The following FRY variants were observed in gnomAD, a reference collection of about 807,000 sequenced individuals.
FRY encodes FRY microtubule binding protein.
A neutral mutation model predicts 348.4 loss-of-function variants in FRY; 128 were observed. The observed-to-expected ratio is 0.37, with a 90% CI of 0.32 to 0.43. The LOEUF is 0.43. FRY is among the 20% of genes least tolerant of loss of function. The pLI, the probability that FRY is intolerant of heterozygous loss-of-function variation, is 1.00. For synonymous variants in FRY, 1,370 were observed against 1,374.7 expected (o/e 1.00, Z 0.08); for missense variants, 2,736 against 3,695.2 (o/e 0.74, Z 6.73).
chr13:32,161,454 G>A (rs763396633), intron 17 of FRY, among the ~76,000 whole-genome samples: 9 of 152,332 alleles, frequency 5.9e-5, no homozygotes, highest in East Asian at 3.9e-4. Flanking sequence ...ACGTAAGCAC[G>A]TAAGGTCGCT....
At chr13:32,174,834 G>T (rs967023438) in intron 19 of FRY, among the ~76,000 whole-genome samples, 1 of 151,724 alleles carries the variant, frequency 6.6e-6, no homozygotes, top group Non-Finnish European at 1.5e-5. Flanking sequence ...CTCCATAAGG[G>T]ATGGTGAATG....
At chr13:32,245,762 G>A (rs565408681) in intron 47 of FRY, among the ~76,000 whole-genome samples, 6 of 152,348 alleles carry the variant, frequency 3.9e-5, no homozygotes, top group African/African-American at 1.4e-4. Context: ...GTTAAGTAGA[G>A]AGCGCCTAGC....
intron 1 of FRY, among the ~76,000 whole-genome samples, chr13:32,045,052 A>G (rs542957124): frequency 1.9e-4 from 29 of 152,272 alleles, no homozygotes; most frequent in African/African-American, 6.0e-4. Context: ...CCTAAGGCCA[A>G]TTTTCACTAT....
intron 1 of FRY, among the ~76,000 whole-genome samples, chr13:32,033,027 T>C (rs1188442755): frequency 6.6e-6 from 1 of 152,200 alleles, no homozygotes; most frequent in Admixed American, 6.5e-5. Context: ...TATTCAGGGA[T>C]GTGCATCTCT....
chr13:32,213,217 C>T (rs1169819528), intron 35 of FRY, among the ~76,000 whole-genome samples: 5 of 152,168 alleles, frequency 3.3e-5, no homozygotes, highest in Non-Finnish European at 7.4e-5. Flanking sequence ...AGTAAGCCCA[C>T]AGTGCTTCCT....
chr13:32,159,274 G>C (rs1192898641), intron 16 of FRY, among the ~76,000 whole-genome samples: 1 of 151,870 alleles, frequency 6.6e-6, no homozygotes, highest in Admixed American at 6.6e-5. Context: ...AAATGTTAGG[G>C]AATCATATAA....
At chr13:32,039,560 G>A (rs1016629483) in intron 1 of FRY, among the ~76,000 whole-genome samples, 3 of 152,002 alleles carry the variant, frequency 2.0e-5, no homozygotes, top group Non-Finnish European at 2.9e-5. Flanking sequence ...TTAATGATCA[G>A]ATATCTCACC....
chr13:32,291,470 A>T (rs1350242611), intron 59 of FRY, among the ~76,000 whole-genome samples: 1 of 151,402 alleles, frequency 6.6e-6, no homozygotes, highest in Non-Finnish European at 1.5e-5. Context: ...CAATGGCACA[A>T]TCTCAGCTTA....
At chr13:32,094,428 G>A (rs775076179) in intron 2 of FRY, among the ~76,000 whole-genome samples, 4 of 151,898 alleles carry the variant, frequency 2.6e-5, no homozygotes, top group South Asian at 4.2e-4. Context: ...TCATCACCCT[G>A]TTGTGTTATC....
At chr13:32,048,400 A>C (rs1021690617) in intron 1 of FRY, among the ~76,000 whole-genome samples, 2 of 152,182 alleles carry the variant, frequency 1.3e-5, no homozygotes, top group Non-Finnish European at 2.9e-5. Flanking sequence ...AAATTGTACC[A>C]TTGTGTTCAC....
chr13:32,160,703 G>A (rs1045347431), intron 16 of FRY, among the ~76,000 whole-genome samples: 1 of 152,022 alleles, frequency 6.6e-6, no homozygotes, highest in Admixed American at 6.6e-5. Context: ...AGAGCTCTAG[G>A]GGAGAAGCAT....
In FRY at chr13:32,225,045, G is replaced by T. The variant is rs766835083; in HGVS notation, c.5020+9G>T. ...TCATGCTGTCTTCTTAGGTAAGACT[G>T]GATCTAAAAGGCATTCTAGCCAATC... On this transcript the variant is annotated intron_variant, in intron 38 of 60. Coordinates refer to ENST00000542859, the MANE Select transcript of FRY (RefSeq NM_023037.3). The T allele has an allele frequency of 6.9e-7, 1 of 1,446,426 alleles. No individual in the cohort carries two copies. 89.6% of individuals were successfully genotyped at this position (1,446,426 alleles called of 1,614,324 possible).
chr13:32,198,961 G>C (rs1355812669), intron 29 of FRY, among the ~76,000 whole-genome samples: 1 of 152,144 alleles, frequency 6.6e-6, no homozygotes, highest in African/African-American at 2.4e-5. Context: ...AGCACATTTG[G>C]TGTTTGTGGC....
At chr13:32,100,006 G>T (rs1039922048) in intron 2 of FRY, among the ~76,000 whole-genome samples, 1 of 152,062 alleles carries the variant, frequency 6.6e-6, no homozygotes, top group East Asian at 1.9e-4. Context: ...TGTATGATTG[G>T]TAGGTTCTCC....
intron 51 of FRY, among the ~76,000 whole-genome samples, chr13:32,257,653 A>C (rs1887408055): frequency 6.6e-6 from 1 of 152,228 alleles, no homozygotes; most frequent in African/African-American, 2.4e-5. Flanking sequence ...CATTCCAAAA[A>C]AGTGTTGAGG....
chr13:32,202,017 G>T lies in FRY; in HGVS notation c.3823G>T (p.Glu1275Ter). The change falls in exon 30 of 61, where the codon GAA becomes TAA. Residue 1275 changes from glutamate (E) to a stop codon, truncating the protein, a stop_gained. Coordinates refer to ENST00000542859, the MANE Select transcript of FRY (RefSeq NM_023037.3). LOFTEE classifies it high-confidence loss of function. ...CTCTGACACCAACAGAGAGATTTAT[G>T]AAATCTCCATGCAGCTCATGCAGGC... ...KASDTNREIY[E>*]ISMQLMQILE... The T allele has an allele frequency of 6.3e-7, 1 of 1,591,496 alleles. No individual in the cohort carries two copies. Among genetic ancestry groups the T allele is most frequent in the Non-Finnish European group, 8.6e-7 (1 of 1,159,540 alleles).
At chr13:32,088,004 G>T (rs1318900227) in intron 2 of FRY, among the ~76,000 whole-genome samples, 2 of 152,200 alleles carry the variant, frequency 1.3e-5, no homozygotes, top group African/African-American at 2.4e-5. Context: ...CAAGTTGGTT[G>T]TTTTTCTGCA....
Position 32,246,891 on chromosome 13 carries a change from A to G in FRY, c.6829-432A>G, listed in dbSNP as rs1289637422. Among the ~76,000 whole-genome samples the G allele has an allele frequency of 9.8e-5, 15 of 152,330 alleles. No homozygotes were observed. The South Asian group carries it at 2.7e-3, about 27-fold the overall frequency. ...GAGGGCTGAAGACAGAGATCAAGGT[A>G]CCCAGGAAGCAAATGGAGCAGGAGG... is the stretch of plus-strand genomic sequence containing the variant. On this transcript the variant is annotated intron_variant, in intron 47 of 60. Transcript: ENST00000542859.
rs1379390444 is a variant in FRY, at chr13:32,234,455, A to G, written c.5528-119A>G. 6.8e-6 allele frequency: 6 copies of G among 876,548 alleles called. No individual in the cohort carries two copies. In the Admixed American group the frequency reaches 9.0e-5, roughly 13 times the overall value. 54.3% of individuals were successfully genotyped at this position (876,548 alleles called of 1,614,324 possible). Reference sequence around the variant, plus strand: ...GAAAAAAAAAATGGTTGACTTGTAAATAAGTACCACTACAAGGTAGCCCTG... The same window carrying G: ...GAAAAAAAAAATGGTTGACTTGTAAGTAAGTACCACTACAAGGTAGCCCTG... On this transcript the variant is annotated intron_variant, in intron 41 of 60. Transcript: ENST00000542859.
Sources: allele counts gnomAD v4.1 joint callset (sites outside exome capture counted in the v4.1 genomes callset), GRCh38; gene constraint gnomAD v4.1.1; transcripts MANE v1.5; gene names NCBI Gene and HGNC (gene_info 2026-07-23, HGNC 2026-07-21).